The following SNX16 variants were observed in gnomAD, a reference collection of about 807,000 sequenced individuals.
The protein encoded by SNX16 is sorting nexin-16.
SNX16 carries 35 observed loss-of-function variants against 36.7 expected under a neutral mutation model. That is an observed-to-expected ratio of 0.95 (90% CI 0.73 to 1.27). SNX16 has a LOEUF of 1.27. SNX16 is among the 50% of genes most tolerant of loss of function. The probability of loss-of-function intolerance (pLI) is 0.00; values close to 1 mark genes in which losing one functional copy is unlikely to be tolerated. For synonymous variants in SNX16, 134 were observed against 132.0 expected, an observed-to-expected ratio of 1.02 and a Z score of -0.10; for missense variants, 367 against 393.6, an observed-to-expected ratio of 0.93 and a Z score of 0.57.
intron 5 of SNX16, among the ~76,000 whole-genome samples, chr8:81,805,261 G>C (rs1384665104): frequency 6.6e-6 from 1 of 151,866 alleles, no homozygotes; most frequent in Non-Finnish European, 1.5e-5. Flanking sequence ...AAATTAAAGA[G>C]AATTCTAAAT....
intron 2 of SNX16, among the ~76,000 whole-genome samples, chr8:81,839,039 A>G (rs1312139246): frequency 5.9e-5 from 9 of 152,120 alleles, no homozygotes; most frequent in Admixed American, 5.9e-4. Flanking sequence ...ACCACAACCA[A>G]TGTGATATTA....
chr8:81,818,073 T>C (rs527472489), intron 4 of SNX16, among the ~76,000 whole-genome samples: 10 of 152,258 alleles, frequency 6.6e-5, no homozygotes, highest in Middle Eastern at 3.4e-3. Flanking sequence ...TTCTCTTGAA[T>C]TTTGTTTAAA....
At position 81,823,892 on chromosome 8, in the gene SNX16, A is replaced by C; in HGVS notation, c.511T>G (p.Trp171Gly). 2 of 1,611,846 alleles carry C rather than the reference A, an allele frequency of 1.2e-6. No homozygotes were observed. The highest frequency in any genetic ancestry group is 8.5e-7 in the Non-Finnish European group (1 of 1,178,976). The change falls in exon 4 of 8, where the codon TGG becomes GGG. Residue 171 changes from tryptophan to glycine, a missense_variant. Transcript: ENST00000345957. ...TCAGCATTGTAATTATCTTTAAACC[A>C]GCGTTTTGGAGGAAGTGCTAGTCGA... ...GFRLALPPKR[W>G]FKDNYNADFL...
Position 81,807,756 on chromosome 8 carries a change from T to A in SNX16, c.682-4528A>T, listed in dbSNP as rs2130610159. ...GCCGAAGAAGCATTGTTAAAGTCTC[T>A]CTTCTCCCTGCTGTCATGTCTAAGT... On this transcript the variant is annotated intron_variant, in intron 5 of 7. Coordinates refer to ENST00000345957, the MANE Select transcript of SNX16 (RefSeq NM_152836.3). 4 of 676,146 alleles carry A rather than the reference T, an allele frequency of 5.9e-6. No individual in the cohort carries two copies. In the South Asian group the frequency reaches 6.7e-5, roughly 11 times the overall value. 41.9% of individuals were successfully genotyped at this position (676,146 alleles called of 1,614,324 possible).
intron 2 of SNX16, among the ~76,000 whole-genome samples, chr8:81,837,469 A>C (rs1302011543): frequency 6.6e-6 from 1 of 152,218 alleles, no homozygotes; most frequent in Non-Finnish European, 1.5e-5. Context: ...AAAGAAATTT[A>C]TTTCTCAAAG....
intron 2 of SNX16, among the ~76,000 whole-genome samples, chr8:81,830,581 A>T (rs1271908537): frequency 2.1e-5 from 1 of 48,372 alleles, no homozygotes; most frequent in African/African-American, 5.9e-5. Context: ...CTAGGGGGTA[A>T]AAAAAAAAAA....
In SNX16 at chr8:81,815,415, A is replaced by G. The variant is rs201381389; in HGVS notation, c.612-21T>C. The G allele has an allele frequency of 1.5e-5, 24 of 1,573,600 alleles. No homozygotes were observed. The African/African-American group carries it at 2.7e-4, about 18-fold the overall frequency. ...CAAGGCTTTTCAAAGGAAAAAAAAA[A>G]TGATCTGAAGTACAAATAAGTTTGC... On this transcript the variant is annotated intron_variant, in intron 4 of 7. Transcript: ENST00000345957.
At chr8:81,821,990 A>C (rs967596040) in intron 4 of SNX16, among the ~76,000 whole-genome samples, 16 of 152,166 alleles carry the variant, frequency 1.1e-4, no homozygotes, top group African/African-American at 3.9e-4. Context: ...ATAATGATTT[A>C]AGTGATTGTC....
chr8:81,808,089 G>T, intron 5 of SNX16: 1 of 1,176,722 alleles, frequency 8.5e-7, no homozygotes, highest in Non-Finnish European at 1.3e-6. Flanking sequence ...CTGTGAAAAA[G>T]ATATTTATTG....
At chr8:81,806,613 T>C (rs1173127802) in intron 5 of SNX16, among the ~76,000 whole-genome samples, 1 of 152,106 alleles carries the variant, frequency 6.6e-6, no homozygotes, top group Non-Finnish European at 1.5e-5. Context: ...TTCATTAAAG[T>C]TAGGATGAAA....
At chr8:81,810,795 T>C (rs1810203237) in intron 5 of SNX16, among the ~76,000 whole-genome samples, 1 of 152,134 alleles carries the variant, frequency 6.6e-6, no homozygotes, top group African/African-American at 2.4e-5. Flanking sequence ...CCTAGGATGC[T>C]GCTAAATATT....
Position 81,815,521 on chromosome 8 carries a change from CTAAATA to C in SNX16, c.612-133_612-128del, listed in dbSNP as rs1585991592. 13 of 578,716 alleles carry C rather than the reference CTAAATA, an allele frequency of 2.2e-5. No homozygotes were observed. In the Admixed American group the frequency reaches 3.6e-4, roughly 16 times the overall value. The allele number at this position is 578,716 out of a possible 1,614,324, so 35.8% of individuals were successfully genotyped here. A position where few individuals can be genotyped will look rare whatever the true frequency, so the allele number is the denominator to read the frequency against. On this transcript the variant is annotated intron_variant, in intron 4 of 7. Coordinates refer to ENST00000345957, the MANE Select transcript of SNX16 (RefSeq NM_152836.3). ...TGGTTATGTGTTTTCATACAAGTAA[CTAAATA>C]TAAATATAAAACTATAGAAGATGCA...
intron 5 of SNX16, among the ~76,000 whole-genome samples, chr8:81,807,200 C>T (rs892440141): frequency 3.3e-5 from 5 of 151,872 alleles, no homozygotes; most frequent in African/African-American, 9.7e-5. Context: ...CAATATAGTA[C>T]CAGCAGAGGG....
intron 4 of SNX16, among the ~76,000 whole-genome samples, chr8:81,817,719 A>G (rs1810556690): frequency 6.6e-6 from 1 of 152,168 alleles, no homozygotes; most frequent in Non-Finnish European, 1.5e-5. Context: ...GAGAGGACAC[A>G]CAAGAATCTC....
At chr8:81,827,658 C>G (rs959471254) in intron 3 of SNX16, among the ~76,000 whole-genome samples, 3 of 152,140 alleles carry the variant, frequency 2.0e-5, no homozygotes, top group Non-Finnish European at 4.4e-5. Flanking sequence ...ATTTAGCATT[C>G]CATATTTTAC....
rs766614040 is a variant in SNX16, at chr8:81,839,642, A to G, written c.345T>C (p.Tyr115=). The change falls in exon 2 of 8, where the codon TAT becomes TAC. Residue 115 remains tyrosine, a synonymous_variant. Coordinates refer to ENST00000345957, the MANE Select transcript of SNX16 (RefSeq NM_152836.3). Reference sequence around the variant, plus strand: ...ATTTAGCTCTTTCTTCCATCACTTCATAACCCAGTATAGTAGGTGTAGATG... The same window carrying G: ...ATTTAGCTCTTTCTTCCATCACTTCGTAACCCAGTATAGTAGGTGTAGATG... ...DRPSTPTILG[Y]EVMEERAKFT... 6.2e-7 allele frequency: 1 copy of G among 1,613,528 alleles called. No homozygotes were observed.
rs979950651 is a variant in SNX16, at chr8:81,801,388, C to T, written c.*109G>A. On this transcript the variant is annotated 3_prime_UTR_variant, in exon 8 of 8. Transcript: ENST00000345957. ...TATGTAAACTTTATACATGTGCATT[C>T]TTGCTCTTTTCTATATGTTTTACAG... 6 of 568,916 alleles carry T rather than the reference C, an allele frequency of 1.1e-5. No homozygotes were observed. The highest frequency in any genetic ancestry group is 1.9e-5 in the African/African-American group (1 of 52,046). 35.2% of individuals were successfully genotyped at this position (568,916 alleles called of 1,614,324 possible).
intron 5 of SNX16, among the ~76,000 whole-genome samples, chr8:81,811,798 TACTCAGGA>T (rs1810265611): frequency 6.6e-6 from 1 of 152,038 alleles, no homozygotes; most frequent in South Asian, 2.1e-4. Context: ...AATCTAAGCA[TACTCAGGA>T]AAAAAGGCAG....
At position 81,839,994 on chromosome 8, in the gene SNX16, T is replaced by A. The variant is rs202126143; in HGVS notation, c.-8A>T. On this transcript the variant is annotated 5_prime_UTR_variant, in exon 2 of 8. Coordinates refer to ENST00000345957, the MANE Select transcript of SNX16 (RefSeq NM_152836.3). ...GACATAAGGAGTTGCCATCTTCTTT[T>A]GGCTTTTCCAACAAGCTTGCACACT... The A allele has an allele frequency of 6.3e-7, 1 of 1,585,364 alleles. No homozygotes were observed.
Sources: allele counts gnomAD v4.1 joint callset (sites outside exome capture counted in the v4.1 genomes callset), GRCh38; gene constraint gnomAD v4.1.1; transcripts MANE v1.5; gene names NCBI Gene and HGNC (gene_info 2026-07-23, HGNC 2026-07-21).